RANBP10: variants seen among roughly 807,000 people sequenced by gnomAD.
The protein encoded by RANBP10 is RAN binding protein 10.
A neutral mutation model predicts 72.8 loss-of-function variants in RANBP10; 24 were observed. That is an observed-to-expected ratio of 0.33 (90% CI 0.24 to 0.46). RANBP10 has a LOEUF of 0.46. Among genes scored for constraint, RANBP10 ranks in the 20% least tolerant of loss-of-function variants. The pLI, the probability that RANBP10 is intolerant of heterozygous loss-of-function variation, is 1.00. For synonymous variants in RANBP10, 310 were observed against 322.3 expected (o/e 0.96, Z 0.41); for missense variants, 679 against 817.5 (o/e 0.83, Z 2.07).
At chr16:67,803,830 TAAAAAAA>T (rs1186108487) in intron 2 of RANBP10, among the ~76,000 whole-genome samples, 7 of 91,612 alleles carry the variant, frequency 7.6e-5, no homozygotes, top group Admixed American at 3.7e-4. Context: ...CCCATCTCAT[TAAAAAAA>T]AAAAAAAAAA....
Position 67,734,983 on chromosome 16 carries a change from A to C in RANBP10, c.651T>G (p.Phe217Leu). 6.2e-7 allele frequency: 1 copy of C among 1,614,044 alleles called. No individual in the cohort carries two copies. The highest frequency in any genetic ancestry group is 8.5e-7 in the Non-Finnish European group (1 of 1,179,920). The change falls in exon 6 of 14, where the codon TTT (phenylalanine) becomes TTG (leucine). Residue 217 changes from phenylalanine to leucine, a missense_variant. Phe to Leu is a conservative substitution (Grantham distance 22, BLOSUM62 0). Coordinates refer to ENST00000317506, the MANE Select transcript of RANBP10 (RefSeq NM_020850.3). ...QTPGEIVDAN[F>L]GQQPFLFDIE... ...TGTCAAACAGGAAGGGCTGCTGCCC[A>C]AAGTTGGCGTCCACAATCTCCCCAG...
rs35741053 is a variant in RANBP10, at chr16:67,772,090, CAA to C, written c.348-6_348-5del. ...CGAGAGTCCTATTCCCATGTAACTT[CAA>C]AAAAAAAAAAAAAAAAAACACAAAA... On this transcript the variant is annotated splice_polypyrimidine_tract_variant and splice_region_variant and intron_variant, in intron 2 of 13. Transcript: ENST00000317506. 0.03 allele frequency: 37,703 copies of C among 1,259,572 alleles called. 185 individuals carry two copies. Among genetic ancestry groups the C allele is most frequent in the African/African-American group, 0.14 (7,451 of 52,450 alleles). The allele number at this position is 1,259,572 out of a possible 1,614,324, so 78.0% of individuals were successfully genotyped here.
At chr16:67,803,093 T>C (rs1597931932) in intron 2 of RANBP10, among the ~76,000 whole-genome samples, 1 of 152,194 alleles carries the variant, frequency 6.6e-6, no homozygotes, top group Non-Finnish European at 1.5e-5. Flanking sequence ...GGTGCTTGTT[T>C]TAAGGGGCTA....
At chr16:67,792,320 C>T (rs924194104) in intron 2 of RANBP10, among the ~76,000 whole-genome samples, 2 of 151,692 alleles carry the variant, frequency 1.3e-5, no homozygotes, top group Non-Finnish European at 2.9e-5. Flanking sequence ...TTTGGGAGGC[C>T]GAGGCAGGCG....
chr16:67,799,615 T>C (rs1277713394), intron 2 of RANBP10, among the ~76,000 whole-genome samples: 1 of 152,122 alleles, frequency 6.6e-6, no homozygotes, highest in Non-Finnish European at 1.5e-5. Flanking sequence ...GCACTGTTTC[T>C]TCTGCCTGAA....
chr16:67,753,448 C>A (rs143729818), intron 3 of RANBP10, among the ~76,000 whole-genome samples: 12 of 152,252 alleles, frequency 7.9e-5, no homozygotes, highest in African/African-American at 2.4e-4. Flanking sequence ...GAGCTATAAT[C>A]GTGCTATTGC....
chr16:67,750,761 CTTTTTTTTTTT>C (rs914921755), intron 3 of RANBP10, among the ~76,000 whole-genome samples: 1 of 110,228 alleles, frequency 9.1e-6, no homozygotes, highest in Middle Eastern at 6.8e-3. Flanking sequence ...TTTTCACTTT[CTTTTTTTTTTT>C]TTTTTTTTTT....
At position 67,772,091 on chromosome 16, in the gene RANBP10, A is replaced by G; in HGVS notation, c.348-5T>C. 3.8e-6 allele frequency: 1 copy of G among 265,204 alleles called. No homozygotes were observed. The highest frequency in any genetic ancestry group is 6.9e-6 in the Non-Finnish European group (1 of 144,024). 16.4% of individuals were successfully genotyped at this position (265,204 alleles called of 1,614,324 possible). ...GAGAGTCCTATTCCCATGTAACTTC[A>G]AAAAAAAAAAAAAAAAAAACACAAA... On this transcript the variant is annotated splice_polypyrimidine_tract_variant and splice_region_variant and intron_variant, in intron 2 of 13. Transcript: ENST00000317506.
In RANBP10 at chr16:67,732,959, C is replaced by T. The variant is rs1024520884; in HGVS notation, c.777-1375G>A. Among the ~76,000 whole-genome samples the T allele has an allele frequency of 2.1e-5, 3 of 145,888 alleles. No homozygotes were observed. The Admixed American group carries it at 2.1e-4, about 10-fold the overall frequency. ...GTCCCAGCTACTCAGGAGGCTGAGG[C>T]AGGAGAATGGCTTGAACCCAGGAGG... On this transcript the variant is annotated intron_variant, in intron 6 of 13. Coordinates refer to ENST00000317506, the MANE Select transcript of RANBP10 (RefSeq NM_020850.3).
intron 2 of RANBP10, among the ~76,000 whole-genome samples, chr16:67,773,745 A>C (rs1313851772): frequency 6.6e-6 from 1 of 152,228 alleles, no homozygotes; most frequent in Non-Finnish European, 1.5e-5. Flanking sequence ...ACAGCACTTC[A>C]AAGAGGGAGT....
rs755859143 is a variant in RANBP10, at chr16:67,726,419, C to T, written c.*9G>A. 1.2e-6 allele frequency: 2 copies of T among 1,612,132 alleles called. No homozygotes were observed. Among genetic ancestry groups the T allele is most frequent in the South Asian group, 1.1e-5 (1 of 90,884 alleles). ...TGGAGGGCCAGCCAGAGCCAGCCAG[C>T]ACAGTCAGCTAGTGCAAGTAGTCAT... On this transcript the variant is annotated 3_prime_UTR_variant, in exon 14 of 14. Transcript: ENST00000317506.
chr16:67,788,406 C>A (rs1256434466), intron 2 of RANBP10, among the ~76,000 whole-genome samples: 1 of 151,312 alleles, frequency 6.6e-6, no homozygotes, highest in Non-Finnish European at 1.5e-5. Flanking sequence ...GCGCCCGCCA[C>A]CATGCCCGGC....
At chr16:67,772,183 G>T (rs2054620446) in intron 2 of RANBP10, 97 bp from the exon 3 acceptor site, 4 of 1,340,720 alleles carry the variant, frequency 3.0e-6, no homozygotes, top group African/African-American at 1.5e-5. Context: ...ACAGAAAAAT[G>T]AGAAAAGCAA....
intron 2 of RANBP10, among the ~76,000 whole-genome samples, chr16:67,786,468 A>G (rs951130502): frequency 3.9e-5 from 6 of 152,212 alleles, no homozygotes; most frequent in African/African-American, 7.2e-5. Flanking sequence ...ACAGAAAGAC[A>G]AACAACCCAA....
At chr16:67,762,128 G>T (rs1230775966) in intron 3 of RANBP10, among the ~76,000 whole-genome samples, 1 of 152,096 alleles carries the variant, frequency 6.6e-6, no homozygotes, top group Non-Finnish European at 1.5e-5. Flanking sequence ...GCCAGATGTG[G>T]TGGTTGTGTG....
At chr16:67,775,454 A>G (rs1230523642) in intron 2 of RANBP10, among the ~76,000 whole-genome samples, 2 of 152,192 alleles carry the variant, frequency 1.3e-5, no homozygotes, top group Admixed American at 6.5e-5. Flanking sequence ...GACAAGAAAA[A>G]GGAATGAAAG....
At chr16:67,779,529 TC>T (rs1329090580) in intron 2 of RANBP10, among the ~76,000 whole-genome samples, 1 of 152,092 alleles carries the variant, frequency 6.6e-6, no homozygotes, top group Non-Finnish European at 1.5e-5. Context: ...TACTGCAGTA[TC>T]TTTGCATCTA....
chr16:67,778,642 G>A (rs993362556), intron 2 of RANBP10, among the ~76,000 whole-genome samples: 1 of 152,194 alleles, frequency 6.6e-6, no homozygotes, highest in Non-Finnish European at 1.5e-5. Context: ...CTTGAGCCCA[G>A]GAGTTTGGGA....
intron 3 of RANBP10, among the ~76,000 whole-genome samples, chr16:67,748,504 A>T (rs2054131141): frequency 1.3e-5 from 2 of 152,034 alleles, no homozygotes; most frequent in African/African-American, 4.8e-5. Flanking sequence ...AGCCTGGGCA[A>T]CAAGAGCGAA....
Sources: gnomAD v4.1 joint callset for allele counts (sites outside exome capture counted in the v4.1 genomes callset) on GRCh38, gnomAD v4.1.1 for gene constraint, MANE v1.5 for transcripts, NCBI Gene and HGNC (gene_info 2026-07-23, HGNC 2026-07-21) for gene names.